NDUFS4: variants seen among roughly 807,000 people sequenced by gnomAD.
NDUFS4 encodes the protein NADH dehydrogenase [ubiquinone] iron-sulfur protein 4, mitochondrial.
In NDUFS4, 28 loss-of-function variants were observed where a neutral mutation model predicts 24.3. That is an observed-to-expected ratio of 1.15 (90% CI 0.85 to 1.58). The LOEUF (loss-of-function observed/expected upper bound fraction) is 1.58. Among genes scored for constraint, NDUFS4 ranks in the 40% most tolerant of loss-of-function variants. The probability of loss-of-function intolerance (pLI) is 0.00; values close to 1 mark genes in which losing one functional copy is unlikely to be tolerated. For synonymous variants in NDUFS4, 93 were observed against 69.7 expected (o/e 1.34, Z -1.67); for missense variants, 223 against 207.9 (o/e 1.07, Z -0.45).
At chr5:53,564,619 A>C (rs1011107057) in intron 1 of NDUFS4, among the ~76,000 whole-genome samples, 15 of 150,892 alleles carry the variant, frequency 9.9e-5, no homozygotes, top group African/African-American at 3.7e-4. Flanking sequence ...GGCTCATGCA[A>C]CCTCCACCCT....
intron 2 of NDUFS4, among the ~76,000 whole-genome samples, chr5:53,642,650 T>C (rs1751737070): frequency 6.6e-6 from 1 of 152,158 alleles, no homozygotes. Flanking sequence ...ATGGAGACAG[T>C]TGATAACCGA....
At chr5:53,596,890 C>G (rs1190464684) in intron 1 of NDUFS4, among the ~76,000 whole-genome samples, 1 of 152,054 alleles carries the variant, frequency 6.6e-6, no homozygotes, top group African/African-American at 2.4e-5. Flanking sequence ...TATTTCTGGT[C>G]CTTTGAAATT....
chr5:53,600,881 A>G (rs1282097896), intron 1 of NDUFS4, among the ~76,000 whole-genome samples: 1 of 152,138 alleles, frequency 6.6e-6, no homozygotes, highest in African/African-American at 2.4e-5. Flanking sequence ...ATTTTTTTAC[A>G]AAAAATTTTT....
intron 2 of NDUFS4, among the ~76,000 whole-genome samples, chr5:53,625,528 C>T (rs1436448415): frequency 2.0e-5 from 3 of 152,060 alleles, no homozygotes; most frequent in African/African-American, 4.8e-5. Flanking sequence ...TCACTGAGGC[C>T]CAGTTTGACT....
chr5:53,599,840 G>C (rs1750254040), intron 1 of NDUFS4, among the ~76,000 whole-genome samples: 1 of 151,756 alleles, frequency 6.6e-6, no homozygotes, highest in Middle Eastern at 3.4e-3. Context: ...TCTTAACAAG[G>C]TTTTTGTACT....
intron 1 of NDUFS4, among the ~76,000 whole-genome samples, chr5:53,566,904 A>C (rs1290324848): frequency 6.8e-6 from 1 of 147,268 alleles, no homozygotes; most frequent in African/African-American, 2.6e-5. Context: ...GCTGAAATGC[A>C]GTGGCGTGAT....
At chr5:53,680,680 T>C (rs543031592) in intron 4 of NDUFS4, among the ~76,000 whole-genome samples, 3 of 151,902 alleles carry the variant, frequency 2.0e-5, no homozygotes, top group African/African-American at 7.2e-5. Context: ...GAACATCACA[T>C]TCTGGGGACT....
intron 4 of NDUFS4, among the ~76,000 whole-genome samples, chr5:53,662,628 A>G (rs1165155242): frequency 1.3e-5 from 2 of 151,976 alleles, no homozygotes; most frequent in East Asian, 1.9e-4. Flanking sequence ...CTGGTCCTGG[A>G]CTTTTTTTGG....
intron 1 of NDUFS4, among the ~76,000 whole-genome samples, chr5:53,572,208 A>C (rs1044730681): frequency 1.4e-4 from 21 of 152,220 alleles, no homozygotes; most frequent in African/African-American, 4.8e-4. Flanking sequence ...GTTTGTTCTG[A>C]TTCGTCTCTG....
rs368767659 is a variant in NDUFS4 at position 53,563,782 on chromosome 5, G to A, written c.98+3022G>A. Among the ~76,000 whole-genome samples the A allele has an allele frequency of 9.2e-5, 14 of 152,250 alleles. No individual in the cohort carries two copies. The East Asian group carries it at 2.7e-3, about 29-fold the overall frequency. Reference sequence around the variant, plus strand: ...CTCCCAAAGTGCTGGGATGACAGGCGGGAGCCACCGCGCCCATCCCTAAGT... The same window carrying A: ...CTCCCAAAGTGCTGGGATGACAGGCAGGAGCCACCGCGCCCATCCCTAAGT... On this transcript the variant is annotated intron_variant, in intron 1 of 4. Coordinates refer to ENST00000296684, the MANE Select transcript of NDUFS4 (RefSeq NM_002495.4).
At position 53,657,625 on chromosome 5, in the gene NDUFS4, G is replaced by A. The variant is rs541202452; in HGVS notation, c.351-926G>A. ...TTTGTAGCAAACAGTGTTCCACCTT[G>A]TTATAAGAATAAAAGTGGGGTGGGC... On this transcript the variant is annotated intron_variant, in intron 3 of 4. Coordinates refer to ENST00000296684, the MANE Select transcript of NDUFS4 (RefSeq NM_002495.4). Among the ~76,000 whole-genome samples the A allele has an allele frequency of 1.7e-4, 26 of 152,132 alleles. No individual in the cohort carries two copies. In the South Asian group the frequency reaches 5.4e-3, roughly 32 times the overall value.
intron 2 of NDUFS4, among the ~76,000 whole-genome samples, chr5:53,603,873 A>G (rs541033586): frequency 6.6e-6 from 1 of 152,214 alleles, no homozygotes; most frequent in South Asian, 2.1e-4. Context: ...GATACTTGCT[A>G]GTACTATCTA....
At chr5:53,600,603 C>A (rs73117523) in intron 1 of NDUFS4, among the ~76,000 whole-genome samples, 4,942 of 152,284 alleles carry the variant, frequency 0.032, 255 homozygotes, top group African/African-American at 0.11. Flanking sequence ...GCCACTGCGC[C>A]CAGCCCGGTA....
At chr5:53,655,423 C>T (rs1752133968) in intron 3 of NDUFS4, among the ~76,000 whole-genome samples, 1 of 138,596 alleles carries the variant, frequency 7.2e-6, no homozygotes, top group East Asian at 2.1e-4. Flanking sequence ...TCTTTTGTGA[C>T]TGGCTTTTTT....
Position 53,630,481 on chromosome 5 carries a change from C to T in NDUFS4, c.178-15752C>T, listed in dbSNP as rs966385473. Among the ~76,000 whole-genome samples the T allele has an allele frequency of 1.3e-5, 2 of 152,088 alleles. 1 individual carries two copies. The highest frequency in any genetic ancestry group is 4.2e-4 in the South Asian group (2 of 4,818). ...TAATATCCTGAAGAGTGTTTTCCAA[C>T]TTGTTTCCATTCTCCCTATCACTTT... On this transcript the variant is annotated intron_variant, in intron 2 of 4. Transcript: ENST00000296684.
At chr5:53,562,835 T>C (rs886773248) in intron 1 of NDUFS4, among the ~76,000 whole-genome samples, 3 of 152,184 alleles carry the variant, frequency 2.0e-5, no homozygotes, top group Non-Finnish European at 2.9e-5. Context: ...CATTTTATTG[T>C]AATGCTTAGA....
chr5:53,662,569 G>A, intron 4 of NDUFS4, among the ~76,000 whole-genome samples: 1 of 152,102 alleles, frequency 6.6e-6, no homozygotes, highest in Non-Finnish European at 1.5e-5. Context: ...CAGAAGGAAT[G>A]GTACCAGCTC....
intron 1 of NDUFS4, among the ~76,000 whole-genome samples, chr5:53,586,511 A>T (rs200306413): frequency 0.022 from 1,958 of 89,420 alleles, 31 homozygotes; most frequent in African/African-American, 0.089. Context: ...TTAGTTAGTT[A>T]GTTTGTTTGT....
In NDUFS4 at chr5:53,603,544, A is replaced by G. The variant is rs200789732; in HGVS notation, c.177+14A>G. Reference sequence around the variant, plus strand: ...GATGAAAAATTGGTAAGGATTTTCTACTACACACTGCTATGGTTCTGCCTT... The same window carrying G: ...GATGAAAAATTGGTAAGGATTTTCTGCTACACACTGCTATGGTTCTGCCTT... On this transcript the variant is annotated intron_variant, in intron 2 of 4. Transcript: ENST00000296684. 4.7e-5 allele frequency: 75 copies of G among 1,593,594 alleles called. No homozygotes were observed. Among genetic ancestry groups the G allele is most frequent in the African/African-American group, 6.7e-5 (5 of 74,378 alleles).
Sources: gnomAD v4.1 joint callset for allele counts (sites outside exome capture counted in the v4.1 genomes callset) on GRCh38, gnomAD v4.1.1 for gene constraint, MANE v1.5 for transcripts, NCBI Gene and HGNC (gene_info 2026-07-23, HGNC 2026-07-21) for gene names.